MDGA2: variants seen among roughly 807,000 people sequenced by gnomAD.
The protein encoded by MDGA2 is MAM domain-containing glycosylphosphatidylinositol anchor protein 2.
In MDGA2, 40 loss-of-function variants were observed where a neutral mutation model predicts 117.8. The observed-to-expected ratio is 0.34, with a 90% confidence interval of 0.26 to 0.44. The LOEUF (loss-of-function observed/expected upper bound fraction) is 0.44, where lower values mean the gene tolerates loss of function less well. MDGA2 is among the 20% of genes least tolerant of loss of function. The probability of loss-of-function intolerance (pLI) is 1.00; values close to 1 mark genes in which losing one functional copy is unlikely to be tolerated. For synonymous variants in MDGA2, 452 were observed against 439.0 expected, an observed-to-expected ratio of 1.03 and a Z score of -0.37; for missense variants, 1,123 against 1,250.6, an observed-to-expected ratio of 0.90 and a Z score of 1.54.
chr14:47,259,390 C>G (rs540614013), intron 2 of MDGA2, among the ~76,000 whole-genome samples: 5 of 152,050 alleles, frequency 3.3e-5, no homozygotes, highest in African/African-American at 9.6e-5. Context: ...TAAAAATAAC[C>G]AATCCTATAA....
intron 7 of MDGA2, among the ~76,000 whole-genome samples, chr14:47,036,501 C>T (rs981628824): frequency 6.6e-6 from 1 of 152,042 alleles, no homozygotes; most frequent in Non-Finnish European, 1.5e-5. Context: ...TTCTTATTTC[C>T]TACACAATTG....
intron 1 of MDGA2, among the ~76,000 whole-genome samples, chr14:47,419,864 T>C (rs905933582): frequency 6.6e-6 from 1 of 152,040 alleles, no homozygotes; most frequent in Non-Finnish European, 1.5e-5. Flanking sequence ...TTTATTGAGG[T>C]AGTCATACTT....
At chr14:47,188,069 C>G (rs975874051) in intron 3 of MDGA2, among the ~76,000 whole-genome samples, 1 of 151,972 alleles carries the variant, frequency 6.6e-6, no homozygotes, top group Non-Finnish European at 1.5e-5. Flanking sequence ...AAAATGACTC[C>G]GGAAACTGTC....
intron 2 of MDGA2, among the ~76,000 whole-genome samples, chr14:47,286,660 A>G (rs1888680762): frequency 6.6e-6 from 1 of 151,752 alleles, no homozygotes; most frequent in Non-Finnish European, 1.5e-5. Flanking sequence ...TTGATTCTGT[A>G]TCTTGGCTAT....
chr14:47,527,529 G>A (rs953920361), intron 1 of MDGA2, among the ~76,000 whole-genome samples: 23 of 152,322 alleles, frequency 1.5e-4, no homozygotes, highest in Non-Finnish European at 1.5e-4. Flanking sequence ...GAAAACAAGT[G>A]AGCCAAAAAC....
intron 7 of MDGA2, among the ~76,000 whole-genome samples, chr14:47,055,358 G>T (rs1291920610): frequency 6.6e-6 from 1 of 151,920 alleles, no homozygotes; most frequent in East Asian, 1.9e-4. Context: ...GTGAATGTGA[G>T]CTAATAAGAT....
chr14:47,634,444 T>C (rs1897291112), intron 1 of MDGA2, among the ~76,000 whole-genome samples: 1 of 152,120 alleles, frequency 6.6e-6, no homozygotes, highest in African/African-American at 2.4e-5. Flanking sequence ...AAATTCTGTG[T>C]AATATGCATA....
chr14:47,415,453 G>C (rs914910997), intron 1 of MDGA2, among the ~76,000 whole-genome samples: 3 of 152,084 alleles, frequency 2.0e-5, no homozygotes, highest in Non-Finnish European at 2.9e-5. Flanking sequence ...AAAATATTTA[G>C]AGAGGGAGAG....
rs370481455 is a variant in MDGA2 at position 47,540,563 on chromosome 14, T to TATATATATATACATACAC, written c.280+133953_280+133954insGTGTATGTATATATATAT. Reference sequence around the variant, plus strand: ...GTGTATATATATATATGTATATATATACACACACACATAGAGAGAGAGACA... The same window carrying TATATATATATACATACAC: ...GTGTATATATATATATGTATATATATATATATATATACATACACACACACACACATAGAGAGAGAGACA... On this transcript the variant is annotated intron_variant, in intron 1 of 16. Transcript: ENST00000399232. Among the ~76,000 whole-genome samples, 5 of 112,542 alleles carry TATATATATATACATACAC rather than the reference T, an allele frequency of 4.4e-5. No homozygotes were observed. In the East Asian group the frequency reaches 1.5e-3, roughly 34 times the overall value. 73.8% of individuals were successfully genotyped at this position (112,542 alleles called of 152,430 possible). A position where few individuals can be genotyped will look rare whatever the true frequency, so the allele number is the denominator to read the frequency against.
intron 1 of MDGA2, among the ~76,000 whole-genome samples, chr14:47,649,039 T>G (rs911642092): frequency 1.3e-5 from 2 of 152,196 alleles, no homozygotes; most frequent in Non-Finnish European, 2.9e-5. Context: ...AATTATTTAG[T>G]AATATCAATA....
At chr14:47,667,775 A>G (rs1898001963) in intron 1 of MDGA2, among the ~76,000 whole-genome samples, 2 of 152,166 alleles carry the variant, frequency 1.3e-5, no homozygotes, top group Admixed American at 1.3e-4. Context: ...CTACAGGATC[A>G]CTTGATTATT....
At chr14:47,399,589 C>T (rs1488838574) in intron 1 of MDGA2, among the ~76,000 whole-genome samples, 1 of 152,090 alleles carries the variant, frequency 6.6e-6, no homozygotes, top group Non-Finnish European at 1.5e-5. Flanking sequence ...GGCATCGTGG[C>T]TAAATTCTAA....
At chr14:47,179,061 T>C (rs559865799) in intron 3 of MDGA2, among the ~76,000 whole-genome samples, 1 of 152,256 alleles carries the variant, frequency 6.6e-6, no homozygotes, top group African/African-American at 2.4e-5. Flanking sequence ...AATGTTAACT[T>C]GTTTGGTAAA....
At chr14:47,361,208 T>TCTCTCTCTAC (rs1555376244) in intron 1 of MDGA2, among the ~76,000 whole-genome samples, 1 of 88,384 alleles carries the variant, frequency 1.1e-5, no homozygotes, top group Non-Finnish European at 2.5e-5. Context: ...TCTCTCTCTC[T>TCTCTCTCTAC]ATATATATAT....
In MDGA2 at chr14:47,244,725, AG is replaced by A. The variant is rs375449905; in HGVS notation, c.421-26531del. ...TTCAATGACATGACATCTTGATTAA[AG>A]GTGTAGAAGATGCTATCCTGTGAAA... On this transcript the variant is annotated intron_variant, in intron 2 of 16. Transcript: ENST00000399232. 1.5e-4 allele frequency among the ~76,000 whole-genome samples: 23 copies of A among 151,954 alleles called. No homozygotes were observed. In the East Asian group the frequency reaches 2.1e-3, roughly 14 times the overall value.
intron 1 of MDGA2, among the ~76,000 whole-genome samples, chr14:47,582,149 C>A (rs1896240529): frequency 6.6e-6 from 1 of 151,714 alleles, no homozygotes; most frequent in Non-Finnish European, 1.5e-5. Flanking sequence ...GTTGTTTTTT[C>A]ATTACTTATG....
chr14:47,188,160 T>A (rs370645812), intron 3 of MDGA2, among the ~76,000 whole-genome samples: 11 of 152,264 alleles, frequency 7.2e-5, no homozygotes, highest in African/African-American at 2.6e-4. Context: ...AAAAACCCAA[T>A]GATTGCCTCT....
At chr14:46,908,155 A>G (rs952404207) in intron 10 of MDGA2, among the ~76,000 whole-genome samples, 1 of 152,208 alleles carries the variant, frequency 6.6e-6, no homozygotes, top group African/African-American at 2.4e-5. Flanking sequence ...AACAATTTGG[A>G]GTGGTATAAA....
intron 1 of MDGA2, among the ~76,000 whole-genome samples, chr14:47,473,385 T>A (rs8021553): frequency 0.28 from 42,332 of 152,042 alleles, 6,251 homozygotes; most frequent in South Asian, 0.52. Context: ...AACTTGGATT[T>A]ATCATAGCCT....
Sources: gnomAD v4.1 joint callset for allele counts (sites outside exome capture counted in the v4.1 genomes callset) on GRCh38, gnomAD v4.1.1 for gene constraint, MANE v1.5 for transcripts, NCBI Gene and HGNC (gene_info 2026-07-23, HGNC 2026-07-21) for gene names.